The following FBXL17 variants were observed in gnomAD, a reference collection of about 807,000 sequenced individuals.
FBXL17 encodes F-box and leucine rich repeat protein 17.
A neutral mutation model predicts 66.2 loss-of-function variants in FBXL17; 22 were observed. That is an observed-to-expected ratio of 0.33 (90% CI 0.24 to 0.47). The LOEUF is 0.47. Ranked by LOEUF, FBXL17 falls within the 20% of genes least tolerant of loss-of-function variation. FBXL17 has a pLI of 1.00. For missense variants in FBXL17, 878 were observed against 948.2 expected (o/e 0.93, Z 0.97); for synonymous variants, 474 against 400.5 (o/e 1.18, Z -2.19).
At chr5:107,902,922 A>G (rs1434391206) in intron 7 of FBXL17, among the ~76,000 whole-genome samples, 1 of 152,146 alleles carries the variant, frequency 6.6e-6, no homozygotes, top group Non-Finnish European at 1.5e-5. Context: ...TTTGTATAAT[A>G]AAAATCATCA....
intron 5 of FBXL17, among the ~76,000 whole-genome samples, chr5:108,212,575 G>T (rs1178846850): frequency 6.6e-6 from 1 of 152,180 alleles, no homozygotes; most frequent in Non-Finnish European, 1.5e-5. Flanking sequence ...AGGCCCCTCT[G>T]CTGCTGTCTG....
chr5:108,173,268 G>C (rs1238963810), intron 6 of FBXL17, among the ~76,000 whole-genome samples: 1 of 152,150 alleles, frequency 6.6e-6, no homozygotes, highest in Admixed American at 6.5e-5. Flanking sequence ...GGATGGGGGA[G>C]GGATAGCTTT....
At position 108,293,107 on chromosome 5, in the gene FBXL17, A is replaced by C. The variant is rs1021590464; in HGVS notation, c.1506+55292T>G. The stretch of plus-strand genomic sequence containing the variant: ...TGTCTCAAAAAAAAAACAAAAAAAA[A>C]AAAACAAAAAAAAACTTGTTGAATA... On this transcript the variant is annotated intron_variant, in intron 4 of 8. Transcript: ENST00000542267. Among the ~76,000 whole-genome samples the C allele has an allele frequency of 2.0e-5, 3 of 151,648 alleles. No individual in the cohort carries two copies. In the East Asian group the frequency reaches 5.8e-4, roughly 29 times the overall value.
At chr5:107,887,497 T>A (rs1749013559) in intron 7 of FBXL17, among the ~76,000 whole-genome samples, 1 of 152,184 alleles carries the variant, frequency 6.6e-6, no homozygotes. Flanking sequence ...CTTGAAAGAA[T>A]TAGGGTTAAA....
intron 6 of FBXL17, among the ~76,000 whole-genome samples, chr5:108,068,523 T>A (rs1748205257): frequency 6.6e-6 from 1 of 151,748 alleles, no homozygotes; most frequent in African/African-American, 2.4e-5. Flanking sequence ...TGGCGCAATC[T>A]CGGCTCACTG....
chr5:108,197,134 A>G (rs550689884), intron 5 of FBXL17, among the ~76,000 whole-genome samples: 2 of 152,256 alleles, frequency 1.3e-5, no homozygotes, highest in Admixed American at 6.5e-5. Context: ...TTTCCTCCAC[A>G]TAAGATTTCT....
intron 7 of FBXL17, among the ~76,000 whole-genome samples, chr5:107,883,802 G>A (rs1177721685): frequency 6.6e-6 from 1 of 152,170 alleles, no homozygotes; most frequent in Non-Finnish European, 1.5e-5. Flanking sequence ...CTAAGGGGGT[G>A]TAAGAGCCCC....
Position 107,861,368 on chromosome 5 carries a change from T to C in FBXL17, c.*352A>G, listed in dbSNP as rs1158352060. 6.4e-6 allele frequency: 1 copy of C among 157,100 alleles called. No homozygotes were observed. The highest frequency in any genetic ancestry group is 1.4e-5 in the Non-Finnish European group (1 of 71,546). 9.7% of individuals were successfully genotyped at this position (157,100 alleles called of 1,614,324 possible). On this transcript the variant is annotated 3_prime_UTR_variant, in exon 9 of 9. Coordinates refer to ENST00000542267, the MANE Select transcript of FBXL17 (RefSeq NM_001163315.3). ...CATCCCATGTAAAAAGAAGGCCTTC[T>C]TACTTGGACATCTCCAAGTGGCAGC...
At chr5:107,900,583 T>C (rs1749539566) in intron 7 of FBXL17, among the ~76,000 whole-genome samples, 1 of 144,952 alleles carries the variant, frequency 6.9e-6, no homozygotes. Flanking sequence ...TGTAGTTCTC[T>C]CTCTACTGAT....
At chr5:108,151,422 G>A (rs1751767706) in intron 6 of FBXL17, among the ~76,000 whole-genome samples, 1 of 152,142 alleles carries the variant, frequency 6.6e-6, no homozygotes, top group Non-Finnish European at 1.5e-5. Context: ...AGTTTTACAA[G>A]GTTGTCTGTC....
chr5:108,032,500 G>A (rs1746679429), intron 6 of FBXL17, among the ~76,000 whole-genome samples: 1 of 152,070 alleles, frequency 6.6e-6, no homozygotes, highest in South Asian at 2.1e-4. Context: ...TTATCTGGGT[G>A]GGCTGTAAAT....
At chr5:108,352,755 C>T (rs1186644321) in intron 3 of FBXL17, among the ~76,000 whole-genome samples, 4 of 152,106 alleles carry the variant, frequency 2.6e-5, no homozygotes, top group African/African-American at 9.7e-5. Flanking sequence ...ATGATCCGCC[C>T]GCCTCAGCCT....
chr5:107,964,166 C>T (rs887822902), intron 7 of FBXL17, among the ~76,000 whole-genome samples: 1 of 152,134 alleles, frequency 6.6e-6, no homozygotes, highest in African/African-American at 2.4e-5. Flanking sequence ...TAGTGAAGAC[C>T]TGGCATCAAC....
intron 7 of FBXL17, among the ~76,000 whole-genome samples, chr5:107,930,754 T>C (rs941964592): frequency 1.3e-5 from 2 of 152,244 alleles, no homozygotes; most frequent in African/African-American, 2.4e-5. Flanking sequence ...CCTATTTATA[T>C]GTAATTATGA....
At chr5:108,286,583 CAG>C (rs1381637270) in intron 4 of FBXL17, among the ~76,000 whole-genome samples, 2 of 151,948 alleles carry the variant, frequency 1.3e-5, no homozygotes, top group East Asian at 1.9e-4. Context: ...TACAGCTAAC[CAG>C]AGAGGTGAAG....
At chr5:107,888,570 C>A (rs1272213288) in intron 7 of FBXL17, among the ~76,000 whole-genome samples, 1 of 152,182 alleles carries the variant, frequency 6.6e-6, no homozygotes, top group Non-Finnish European at 1.5e-5. Context: ...TCCAATCACA[C>A]ACATTACCAT....
At chr5:107,965,157 G>T (rs574171683) in intron 7 of FBXL17, among the ~76,000 whole-genome samples, 2 of 152,094 alleles carry the variant, frequency 1.3e-5, no homozygotes, top group Non-Finnish European at 2.9e-5. Flanking sequence ...CAAATGCCTT[G>T]ATCTTAAGAG....
chr5:107,924,068 T>C (rs948948085), intron 7 of FBXL17, among the ~76,000 whole-genome samples: 1 of 150,296 alleles, frequency 6.7e-6, no homozygotes, highest in East Asian at 2.0e-4. Flanking sequence ...GTGTTTTTTT[T>C]TTTTTTTTTT....
chr5:108,019,208 C>A (rs958300326), intron 7 of FBXL17, among the ~76,000 whole-genome samples: 1 of 152,122 alleles, frequency 6.6e-6, no homozygotes, highest in Non-Finnish European at 1.5e-5. Context: ...CATTTTACAA[C>A]TGAGGAAATG....
Sources: gnomAD v4.1 joint callset for allele counts (sites outside exome capture counted in the v4.1 genomes callset) on GRCh38, gnomAD v4.1.1 for gene constraint, MANE v1.5 for transcripts, NCBI Gene and HGNC (gene_info 2026-07-23, HGNC 2026-07-21) for gene names.